The following KCNH1 variants were observed in gnomAD, a reference collection of about 807,000 sequenced individuals.
The protein encoded by KCNH1 is potassium voltage-gated channel subfamily H member 1, also known as voltage-gated delayed rectifier potassium channel KCNH1.
Under a neutral mutation model 69.2 loss-of-function variants are expected in KCNH1, and 27 were observed. The ratio of observed to expected loss-of-function variants is 0.39; its 90% CI spans 0.29 to 0.54. KCNH1 has a LOEUF of 0.54. Ranked by LOEUF, KCNH1 falls within the 20% of genes least tolerant of loss-of-function variation. The pLI, the probability that KCNH1 is intolerant of heterozygous loss-of-function variation, is 0.68. For missense variants in KCNH1, 798 were observed against 1,261.6 expected, an observed-to-expected ratio of 0.63 and a Z score of 5.57; for synonymous variants, 456 against 487.7, an observed-to-expected ratio of 0.93 and a Z score of 0.86.
intron 5 of KCNH1, among the ~76,000 whole-genome samples, chr1:211,066,130 T>C (rs555495972): frequency 1.3e-5 from 2 of 152,286 alleles, no homozygotes; most frequent in Admixed American, 6.5e-5. Context: ...CTTTAAAAAA[T>C]GGTTACTTGC....
chr1:210,994,891 C>G (rs529746223), intron 6 of KCNH1, among the ~76,000 whole-genome samples: 1 of 152,080 alleles, frequency 6.6e-6, no homozygotes, highest in Non-Finnish European at 1.5e-5. Context: ...TGTTTCCTCA[C>G]GTATAAAAAT....
chr1:210,975,632 A>G (rs1490342273), intron 6 of KCNH1, among the ~76,000 whole-genome samples: 1 of 152,238 alleles, frequency 6.6e-6, no homozygotes, highest in African/African-American at 2.4e-5. Flanking sequence ...TGTTAGACCT[A>G]AAGCCATAAA....
At chr1:211,093,118 G>T (rs1359725589) in intron 3 of KCNH1, among the ~76,000 whole-genome samples, 1 of 152,122 alleles carries the variant, frequency 6.6e-6, no homozygotes, top group East Asian at 1.9e-4. Flanking sequence ...GCCCATCACT[G>T]CACTGCACCG....
chr1:210,823,648 G>A (rs1400062072), intron 7 of KCNH1, among the ~76,000 whole-genome samples: 1 of 152,170 alleles, frequency 6.6e-6, no homozygotes, highest in Non-Finnish European at 1.5e-5. Context: ...TATTTTAAGA[G>A]AGATTATGTC....
chr1:211,009,840 C>T (rs1689360496), intron 6 of KCNH1, among the ~76,000 whole-genome samples: 1 of 152,106 alleles, frequency 6.6e-6, no homozygotes, highest in Non-Finnish European at 1.5e-5. Context: ...AACTCCTGAC[C>T]TCAGGTGTCC....
In KCNH1 at chr1:210,986,978, C is replaced by G. The variant is rs376119929; in HGVS notation, c.1032+31805G>C. Among the ~76,000 whole-genome samples, 7 of 152,232 alleles carry G rather than the reference C, an allele frequency of 4.6e-5. No individual in the cohort carries two copies. The South Asian group carries it at 6.2e-4, about 14-fold the overall frequency. ...TCCCATGTTTCTTGGAGGCTTTGTT[C>G]ATTTCTTTTTATTGTTTTTTCTCTA... On this transcript the variant is annotated intron_variant, in intron 6 of 10. Transcript: ENST00000271751.
chr1:211,107,404 A>C, intron 1 of KCNH1, 27 bp from the exon 2 acceptor site: 1 of 1,599,732 alleles, frequency 6.3e-7, no homozygotes. Flanking sequence ...AAAGGGAAAA[A>C]AGGGCACATG....
chr1:210,749,624 T>G (rs554833532), intron 10 of KCNH1, among the ~76,000 whole-genome samples: 16 of 152,250 alleles, frequency 1.1e-4, no homozygotes, highest in Admixed American at 9.2e-4. Flanking sequence ...GTGTGCAGAT[T>G]ACAGGTTAAG....
chr1:211,020,830 C>T (rs1407104843), intron 5 of KCNH1, among the ~76,000 whole-genome samples: 1 of 151,894 alleles, frequency 6.6e-6, no homozygotes, highest in East Asian at 1.9e-4. Flanking sequence ...GCAAGAATGA[C>T]TCAACACTTG....
chr1:210,900,495 G>A (rs961664867), intron 7 of KCNH1, among the ~76,000 whole-genome samples: 1 of 152,218 alleles, frequency 6.6e-6, no homozygotes, highest in African/African-American at 2.4e-5. Context: ...GGCTAGGGAA[G>A]GCTGTGGGAG....
chr1:210,986,952 G>A (rs1028362346), intron 6 of KCNH1, among the ~76,000 whole-genome samples: 5 of 152,126 alleles, frequency 3.3e-5, no homozygotes, highest in Non-Finnish European at 7.4e-5. Flanking sequence ...TTTTCACATA[G>A]TCCCATGTTT....
chr1:210,954,840 A>T (rs1242191210), intron 6 of KCNH1, among the ~76,000 whole-genome samples: 3 of 152,106 alleles, frequency 2.0e-5, no homozygotes, highest in Non-Finnish European at 4.4e-5. Context: ...ATTTTCTCCC[A>T]TTCTGTAGGT....
intron 6 of KCNH1, among the ~76,000 whole-genome samples, chr1:210,948,696 G>A (rs923702477): frequency 6.6e-6 from 1 of 151,990 alleles, no homozygotes; most frequent in Non-Finnish European, 1.5e-5. Flanking sequence ...AGCCAGGCAT[G>A]GTGGTGGGCA....
At chr1:211,036,060 G>T (rs949347168) in intron 5 of KCNH1, among the ~76,000 whole-genome samples, 1 of 152,232 alleles carries the variant, frequency 6.6e-6, no homozygotes, top group Non-Finnish European at 1.5e-5. Context: ...AGGAAAGAAG[G>T]CTTTAATCGG....
chr1:210,774,940 G>A (rs1683832186), intron 10 of KCNH1, among the ~76,000 whole-genome samples: 1 of 152,068 alleles, frequency 6.6e-6, no homozygotes, highest in Non-Finnish European at 1.5e-5. Context: ...CAGGCTAATG[G>A]CTTCATACTA....
intron 5 of KCNH1, among the ~76,000 whole-genome samples, chr1:211,029,149 G>C (rs1321157960): frequency 7.4e-6 from 1 of 134,314 alleles, no homozygotes; most frequent in African/African-American, 2.8e-5. Flanking sequence ...TGGCAACATA[G>C]AGAGACCCCA....
chr1:210,955,909 G>A (rs1688165821), intron 6 of KCNH1, among the ~76,000 whole-genome samples: 1 of 152,146 alleles, frequency 6.6e-6, no homozygotes, highest in African/African-American at 2.4e-5. Context: ...TCTCCTGCCT[G>A]ATTGCTCTGG....
chr1:211,066,364 T>TTGGAATATTTGCA (rs1186935409), intron 5 of KCNH1, among the ~76,000 whole-genome samples: 2 of 152,222 alleles, frequency 1.3e-5, no homozygotes, highest in African/African-American at 2.4e-5. Flanking sequence ...TTTTTGGATT[T>TTGGAATATTTGCA]TGGAATATTT....
At chr1:211,114,019 G>A (rs1015657463) in intron 1 of KCNH1, among the ~76,000 whole-genome samples, 1 of 151,304 alleles carries the variant, frequency 6.6e-6, no homozygotes, top group Non-Finnish European at 1.5e-5. Flanking sequence ...CACACACACA[G>A]AGAAAGAGAG....
Sources: gnomAD v4.1 joint callset for allele counts (sites outside exome capture counted in the v4.1 genomes callset) on GRCh38, gnomAD v4.1.1 for gene constraint, MANE v1.5 for transcripts, NCBI Gene and HGNC (gene_info 2026-07-23, HGNC 2026-07-21) for gene names.